RIT2: variants seen among roughly 807,000 people sequenced by gnomAD.
RIT2 encodes the protein GTP-binding protein Rit2.
RIT2 carries 24 observed loss-of-function variants against 23.7 expected under a neutral mutation model. The observed-to-expected ratio is 1.01, with a 90% CI of 0.73 to 1.43. The LOEUF (loss-of-function observed/expected upper bound fraction) is 1.43. RIT2 is among the 40% of genes most tolerant of loss of function. The pLI is 0.00. For missense variants in RIT2, 236 were observed against 266.9 expected (o/e 0.88, Z 0.81); for synonymous variants, 107 against 91.1 (o/e 1.17, Z -0.99).
chr18:42,978,206 C>T (rs909335113), intron 2 of RIT2, among the ~76,000 whole-genome samples: 15 of 151,954 alleles, frequency 9.9e-5, no homozygotes, highest in South Asian at 4.2e-4. Context: ...GCACATGAAA[C>T]GTATATCAAA....
rs116486228 is a variant in RIT2, at chr18:42,989,584, G to T, written c.161-15437C>A. Among the ~76,000 whole-genome samples the T allele has an allele frequency of 2.5e-3, 380 of 152,200 alleles. 1 individual carries two copies. The highest frequency in any genetic ancestry group is 8.6e-3 in the African/African-American group (357 of 41,528). ...ATTTTCTTACACTAAGTTATTAAAAGCCATGGTTCATATTACACTTAGAGA... is the reference window on the plus strand; with the variant it reads ...ATTTTCTTACACTAAGTTATTAAAATCCATGGTTCATATTACACTTAGAGA... On this transcript the variant is annotated intron_variant, in intron 2 of 4. Coordinates refer to ENST00000326695, the MANE Select transcript of RIT2 (RefSeq NM_002930.4).
chr18:42,780,054 T>G (rs1030439331), intron 4 of RIT2, among the ~76,000 whole-genome samples: 3 of 130,268 alleles, frequency 2.3e-5, no homozygotes, highest in African/African-American at 8.8e-5. Flanking sequence ...GAGGTTTTTT[T>G]TTTTTTTTTT....
chr18:42,844,495 G>C (rs1384041458), intron 4 of RIT2, among the ~76,000 whole-genome samples: 1 of 152,060 alleles, frequency 6.6e-6, no homozygotes, highest in African/African-American at 2.4e-5. Context: ...GGATGGGATG[G>C]GCAGGTAATC....
At chr18:42,936,645 A>C (rs1909465989) in intron 3 of RIT2, among the ~76,000 whole-genome samples, 1 of 152,118 alleles carries the variant, frequency 6.6e-6, no homozygotes, top group Admixed American at 6.5e-5. Context: ...TTAACCCTTA[A>C]GTATATATCT....
chr18:42,908,718 T>C (rs1908688514), intron 4 of RIT2, among the ~76,000 whole-genome samples: 1 of 152,070 alleles, frequency 6.6e-6, no homozygotes, highest in Non-Finnish European at 1.5e-5. Context: ...ACATTCTCAG[T>C]TGAAGGGAAA....
At chr18:43,045,132 G>C (rs1912216527) in intron 1 of RIT2, among the ~76,000 whole-genome samples, 1 of 152,110 alleles carries the variant, frequency 6.6e-6, no homozygotes, top group South Asian at 2.1e-4. Context: ...TACCTAAGGA[G>C]TATTTCAGTA....
chr18:42,854,194 G>A (rs995813199), intron 4 of RIT2, among the ~76,000 whole-genome samples: 4 of 152,064 alleles, frequency 2.6e-5, no homozygotes, highest in African/African-American at 2.4e-5. Flanking sequence ...AGTACAAAGT[G>A]GTGTAGTACA....
intron 4 of RIT2, among the ~76,000 whole-genome samples, chr18:42,921,981 T>C (rs1055676008): frequency 2.0e-5 from 3 of 152,106 alleles, no homozygotes. Context: ...TCTTAACCCA[T>C]AGAAATGCAA....
intron 2 of RIT2, among the ~76,000 whole-genome samples, chr18:43,009,764 T>C (rs2144252553): frequency 6.6e-6 from 1 of 151,804 alleles, no homozygotes; most frequent in Admixed American, 6.6e-5. Context: ...ACTTCCCATG[T>C]CCCCGTCTGA....
intron 3 of RIT2, among the ~76,000 whole-genome samples, chr18:42,933,293 G>T (rs556048): frequency 6.6e-6 from 1 of 151,644 alleles, no homozygotes; most frequent in Non-Finnish European, 1.5e-5. Flanking sequence ...GGAGAAAAAT[G>T]TTTTAAAATT....
At chr18:42,984,362 A>C (rs1466848805) in intron 2 of RIT2, among the ~76,000 whole-genome samples, 1 of 152,070 alleles carries the variant, frequency 6.6e-6, no homozygotes, top group Non-Finnish European at 1.5e-5. Context: ...TACATGACAA[A>C]ATTGTAGATA....
chr18:42,905,992 G>GTATA, intron 4 of RIT2, among the ~76,000 whole-genome samples: 1 of 2,222 alleles, frequency 4.5e-4, no homozygotes, highest in South Asian at 0.013. Flanking sequence ...ATATATATAT[G>GTATA]TATATATATA....
chr18:42,950,574 C>T (rs576557499), intron 3 of RIT2, among the ~76,000 whole-genome samples: 3 of 151,646 alleles, frequency 2.0e-5, no homozygotes, highest in South Asian at 2.1e-4. Context: ...GCTTCTGCAC[C>T]GCAAAAGAAA....
chr18:42,865,246 A>G (rs936266472), intron 4 of RIT2, among the ~76,000 whole-genome samples: 1 of 152,058 alleles, frequency 6.6e-6, no homozygotes, highest in Non-Finnish European at 1.5e-5. Context: ...GGCCATCCCA[A>G]TGTGTCCCTG....
At chr18:42,841,099 G>A (rs529305879) in intron 4 of RIT2, among the ~76,000 whole-genome samples, 1 of 152,224 alleles carries the variant, frequency 6.6e-6, no homozygotes, top group African/African-American at 2.4e-5. Flanking sequence ...AAGATGTGCT[G>A]GATTAGGGAA....
intron 4 of RIT2, among the ~76,000 whole-genome samples, chr18:42,870,771 G>GA (rs979120870): frequency 1.4e-4 from 21 of 149,682 alleles, no homozygotes; most frequent in South Asian, 2.1e-4. Context: ...GAGATGATAA[G>GA]AAAAAAAAAA....
chr18:43,015,208 T>A, intron 2 of RIT2, among the ~76,000 whole-genome samples: 1 of 151,766 alleles, frequency 6.6e-6, no homozygotes, highest in East Asian at 2.0e-4. Flanking sequence ...AGAGTGAGAA[T>A]ATTTTTAGAA....
chr18:42,934,609 A>T (rs929373699), intron 3 of RIT2, among the ~76,000 whole-genome samples: 1 of 152,188 alleles, frequency 6.6e-6, no homozygotes, highest in African/African-American at 2.4e-5. Flanking sequence ...AAAAGTATGG[A>T]TATATGAATA....
Position 42,845,501 on chromosome 18 carries a change from A to G in RIT2, c.426+78071T>C, listed in dbSNP as rs1252482758. 2.7e-5 allele frequency among the ~76,000 whole-genome samples: 4 copies of G among 150,790 alleles called. No homozygotes were observed. In the East Asian group the frequency reaches 7.8e-4, roughly 29 times the overall value. On this transcript the variant is annotated intron_variant, in intron 4 of 4. Coordinates refer to ENST00000326695, the MANE Select transcript of RIT2 (RefSeq NM_002930.4). Reference sequence around the variant, plus strand: ...TATAAATAAGGATTTGAGGAACACTATTGACAAACTTGACCTAATTAATAT... The same window carrying G: ...TATAAATAAGGATTTGAGGAACACTGTTGACAAACTTGACCTAATTAATAT...
Sources: gnomAD v4.1 joint callset for allele counts (sites outside exome capture counted in the v4.1 genomes callset) on GRCh38, gnomAD v4.1.1 for gene constraint, MANE v1.5 for transcripts, NCBI Gene and HGNC (gene_info 2026-07-23, HGNC 2026-07-21) for gene names.